The following TAF3 variants were observed in gnomAD, a reference collection of about 807,000 sequenced individuals.
The protein encoded by TAF3 is TATA-box binding protein associated factor 3.
Under a neutral mutation model 80.6 loss-of-function variants are expected in TAF3, and 7 were observed. That is an observed-to-expected ratio of 0.09 (90% CI 0.05 to 0.16). The LOEUF (loss-of-function observed/expected upper bound fraction) is 0.16, where lower values mean the gene tolerates loss of function less well. TAF3 is among the 10% of genes least tolerant of loss of function. TAF3 has a pLI of 1.00. For synonymous variants in TAF3, 444 were observed against 446.1 expected (o/e 1.00, Z 0.06); for missense variants, 921 against 1,140.2 (o/e 0.81, Z 2.77).
intron 4 of TAF3, among the ~76,000 whole-genome samples, chr10:7,980,119 A>T (rs570220269): frequency 6.6e-6 from 1 of 152,252 alleles, no homozygotes; most frequent in Admixed American, 6.5e-5. Flanking sequence ...TTGGGGGGGA[A>T]TAATACTCTT....
At chr10:7,868,585 G>A (rs1350692719) in intron 2 of TAF3, among the ~76,000 whole-genome samples, 1 of 152,252 alleles carries the variant, frequency 6.6e-6, no homozygotes, top group Non-Finnish European at 1.5e-5. Flanking sequence ...ACATCCTGGA[G>A]CAGCCTGTTA....
chr10:8,006,942 GA>G (rs1457089988), intron 4 of TAF3, among the ~76,000 whole-genome samples: 1 of 152,154 alleles, frequency 6.6e-6, no homozygotes, highest in Non-Finnish European at 1.5e-5. Context: ...TTGTTGCTGA[GA>G]AAAACAAGGC....
chr10:7,837,650 A>C (rs1015289296), intron 2 of TAF3, among the ~76,000 whole-genome samples: 2 of 152,070 alleles, frequency 1.3e-5, no homozygotes, highest in African/African-American at 2.4e-5. Flanking sequence ...CTCAGAAAAA[A>C]TAAAAAATAA....
chr10:8,014,479 C>T (rs569913329), intron 6 of TAF3, among the ~76,000 whole-genome samples, 158 bp from the exon 7 acceptor site: 12 of 152,250 alleles, frequency 7.9e-5, no homozygotes, highest in African/African-American at 2.4e-4. Context: ...TCTCATAGTC[C>T]GCATGCCCAA....
At chr10:7,830,180 T>A (rs1836784226) in intron 2 of TAF3, among the ~76,000 whole-genome samples, 1 of 152,128 alleles carries the variant, frequency 6.6e-6, no homozygotes, top group African/African-American at 2.4e-5. Context: ...GCCATCCTTT[T>A]CTTGAAGCAG....
intron 2 of TAF3, among the ~76,000 whole-genome samples, chr10:7,856,622 A>G (rs547197215): frequency 2.6e-5 from 4 of 152,232 alleles, no homozygotes; most frequent in Non-Finnish European, 4.4e-5. Context: ...ACTGAGGACC[A>G]ATAAAGCCAG....
At chr10:7,851,663 A>G (rs1588524106) in intron 2 of TAF3, among the ~76,000 whole-genome samples, 1 of 152,344 alleles carries the variant, frequency 6.6e-6, no homozygotes, top group Middle Eastern at 3.4e-3. Flanking sequence ...TGGCTTGATG[A>G]AAAGCCCTGA....
At chr10:7,975,232 A>G (rs533960067) in intron 3 of TAF3, 1 of 176,792 alleles carries the variant, frequency 5.7e-6, no homozygotes, top group Non-Finnish European at 1.2e-5. Flanking sequence ...TAGGGAATTG[A>G]CAGAGCTCTC....
chr10:7,829,756 C>T (rs1013946313), intron 2 of TAF3, among the ~76,000 whole-genome samples: 1 of 152,220 alleles, frequency 6.6e-6, no homozygotes, highest in Admixed American at 6.5e-5. Flanking sequence ...CCCCTCTTCC[C>T]CTACTGTGCT....
chr10:7,868,512 G>A (rs980954971), intron 2 of TAF3, among the ~76,000 whole-genome samples: 1 of 152,240 alleles, frequency 6.6e-6, no homozygotes, highest in African/African-American at 2.4e-5. Context: ...TGACCATCAG[G>A]AGTGGAGGCA....
At chr10:7,969,507 G>C (rs1831602805) in intron 3 of TAF3, among the ~76,000 whole-genome samples, 1 of 152,012 alleles carries the variant, frequency 6.6e-6, no homozygotes, top group African/African-American at 2.4e-5. Context: ...GGATCTTTGG[G>C]GTTTAGATGA....
intron 2 of TAF3, among the ~76,000 whole-genome samples, chr10:7,919,207 G>A (rs542859704): frequency 6.6e-6 from 1 of 152,318 alleles, no homozygotes; most frequent in East Asian, 1.9e-4. Flanking sequence ...TTCTGGCTAA[G>A]GTAATGGGGG....
chr10:7,902,456 A>T (rs1260992780), intron 2 of TAF3, among the ~76,000 whole-genome samples: 2 of 152,120 alleles, frequency 1.3e-5, no homozygotes, highest in African/African-American at 4.8e-5. Context: ...ATCTTTTCTT[A>T]GGAGATGTTA....
chr10:7,873,708 G>C (rs1472338658), intron 2 of TAF3, among the ~76,000 whole-genome samples: 1 of 150,566 alleles, frequency 6.6e-6, no homozygotes, highest in Non-Finnish European at 1.5e-5. Context: ...GATGGGACCA[G>C]GTATTTTGAA....
intron 2 of TAF3, among the ~76,000 whole-genome samples, chr10:7,837,643 A>T (rs1479852522): frequency 6.6e-6 from 1 of 152,178 alleles, no homozygotes; most frequent in Non-Finnish European, 1.5e-5. Flanking sequence ...ACTCTGTCTC[A>T]GAAAAAATAA....
intron 2 of TAF3, among the ~76,000 whole-genome samples, chr10:7,836,267 C>T (rs1181018087): frequency 6.7e-6 from 1 of 149,564 alleles, no homozygotes; most frequent in Admixed American, 6.8e-5. Flanking sequence ...TTGCAGTTGG[C>T]CATTTCCACG....
intron 2 of TAF3, among the ~76,000 whole-genome samples, chr10:7,906,842 C>T (rs577792528): frequency 2.2e-4 from 34 of 151,310 alleles, no homozygotes; most frequent in African/African-American, 5.3e-4. Context: ...CTTGGCCTCC[C>T]GAGAAGCTGG....
At chr10:7,910,798 A>G (rs778935861) in intron 2 of TAF3, among the ~76,000 whole-genome samples, 2 of 152,232 alleles carry the variant, frequency 1.3e-5, no homozygotes, top group Non-Finnish European at 2.9e-5. Context: ...TCTAAACTGA[A>G]TTTATTTATT....
At chr10:7,944,947 A>G (rs997176985) in intron 2 of TAF3, among the ~76,000 whole-genome samples, 4 of 152,258 alleles carry the variant, frequency 2.6e-5, no homozygotes, top group African/African-American at 9.6e-5. Flanking sequence ...CTTACATTAG[A>G]ATAAAGATTT....
Sources: allele counts gnomAD v4.1 joint callset (sites outside exome capture counted in the v4.1 genomes callset), GRCh38; gene constraint gnomAD v4.1.1; transcripts MANE v1.5; gene names NCBI Gene and HGNC (gene_info 2026-07-23, HGNC 2026-07-21).